The following RSRC1 variants were observed in gnomAD, a reference collection of about 807,000 sequenced individuals.
The protein encoded by RSRC1 is serine/Arginine-related protein 53.
A neutral mutation model predicts 49.1 loss-of-function variants in RSRC1; 39 were observed. That is an observed-to-expected ratio of 0.79 (90% CI 0.61 to 1.04). RSRC1 has a LOEUF of 1.04. RSRC1 is among the 50% of genes least tolerant of loss of function. RSRC1 has a pLI of 0.00. For synonymous variants in RSRC1, 143 were observed against 130.8 expected, an observed-to-expected ratio of 1.09 and a Z score of -0.63; for missense variants, 388 against 402.4, an observed-to-expected ratio of 0.96 and a Z score of 0.31.
intron 6 of RSRC1, among the ~76,000 whole-genome samples, chr3:158,435,853 A>G (rs1736014703): frequency 6.6e-6 from 1 of 151,776 alleles, no homozygotes; most frequent in African/African-American, 2.4e-5. Context: ...TGTGTTTTAT[A>G]TATCCACACA....
chr3:158,333,182 AT>A (rs1479216849), intron 5 of RSRC1, among the ~76,000 whole-genome samples: 1 of 152,014 alleles, frequency 6.6e-6, no homozygotes, highest in Non-Finnish European at 1.5e-5. Flanking sequence ...GGTAGCCAGG[AT>A]GGTCTCGATT....
rs188037153 is a variant in RSRC1 at position 158,206,614 on chromosome 3, C to T, written c.494+3369C>T. ...AACAAAATGCTTTACTCACAGTGGA[C>T]GTAAAAAGATAAGCATCGGCCAGGC... On this transcript the variant is annotated intron_variant, in intron 4 of 9. Transcript: ENST00000611884. 3.9e-5 allele frequency among the ~76,000 whole-genome samples: 6 copies of T among 152,042 alleles called. No homozygotes were observed. In the East Asian group the frequency reaches 5.8e-4, roughly 15 times the overall value.
At chr3:158,129,504 T>C (rs1313820249) in intron 3 of RSRC1, among the ~76,000 whole-genome samples, 1 of 152,082 alleles carries the variant, frequency 6.6e-6, no homozygotes, top group Non-Finnish European at 1.5e-5. Flanking sequence ...TTGGCCAGGC[T>C]GGTCTTGAAC....
At chr3:158,160,830 C>T (rs1427935299) in intron 3 of RSRC1, among the ~76,000 whole-genome samples, 1 of 152,162 alleles carries the variant, frequency 6.6e-6, no homozygotes, top group Admixed American at 6.6e-5. Flanking sequence ...ATGTTATCAT[C>T]CTAGGTTACT....
Position 158,389,175 on chromosome 3 carries a change from C to G in RSRC1, c.583+34267C>G, listed in dbSNP as rs541573542. 3.3e-5 allele frequency among the ~76,000 whole-genome samples: 5 copies of G among 152,270 alleles called. No individual in the cohort carries two copies. In the South Asian group the frequency reaches 8.3e-4, roughly 25 times the overall value. On this transcript the variant is annotated intron_variant, in intron 6 of 9. Transcript: ENST00000611884. Reference sequence around the variant, plus strand: ...ACCCAGACGTTTTATTCTTCCAATACAGATTTCTCTACTGATCAGAAATAA... The same window carrying G: ...ACCCAGACGTTTTATTCTTCCAATAGAGATTTCTCTACTGATCAGAAATAA...
chr3:158,314,884 C>A lies in RSRC1; in HGVS notation c.531+16809C>A, dbSNP rs149466035. Reference sequence around the variant, plus strand: ...CCGTCTCTACTAAAAATACAAAAATCAGCCGAGCGTGGTGGCAAATGCTTG... The same window carrying A: ...CCGTCTCTACTAAAAATACAAAAATAAGCCGAGCGTGGTGGCAAATGCTTG... On this transcript the variant is annotated intron_variant, in intron 5 of 9. Transcript: ENST00000611884. Among the ~76,000 whole-genome samples, 1,171 of 152,078 alleles carry A rather than the reference C, an allele frequency of 7.7e-3. 7 individuals are homozygous for A. The highest frequency in any genetic ancestry group is 0.027 in the African/African-American group (1,111 of 41,500).
intron 5 of RSRC1, among the ~76,000 whole-genome samples, chr3:158,345,967 G>A (rs1339664356): frequency 6.6e-6 from 1 of 151,734 alleles, no homozygotes; most frequent in African/African-American, 2.4e-5. Flanking sequence ...GCCATATATA[G>A]TACCCAAATA....
chr3:158,361,196 C>A (rs746486063), intron 6 of RSRC1, among the ~76,000 whole-genome samples: 1 of 152,086 alleles, frequency 6.6e-6, no homozygotes, highest in Non-Finnish European at 1.5e-5. Flanking sequence ...GGGACATGGC[C>A]CCAGGCAGCC....
intron 3 of RSRC1, among the ~76,000 whole-genome samples, chr3:158,138,494 C>T (rs1716542926): frequency 6.6e-6 from 1 of 152,228 alleles, no homozygotes. Flanking sequence ...GGGCAGGGCC[C>T]AGCCCAGAGT....
At chr3:158,295,467 ATGAAT>A (rs1270926060) in intron 4 of RSRC1, among the ~76,000 whole-genome samples, 6 of 152,182 alleles carry the variant, frequency 3.9e-5, no homozygotes, top group African/African-American at 1.4e-4. Context: ...TTAATGGAAA[ATGAAT>A]TGACATGAGA....
chr3:158,364,965 C>G (rs1356741139), intron 6 of RSRC1, among the ~76,000 whole-genome samples: 1 of 151,564 alleles, frequency 6.6e-6, no homozygotes, highest in Non-Finnish European at 1.5e-5. Flanking sequence ...TTAATAAAGT[C>G]TTTAGCAGCT....
chr3:158,387,699 TATC>T (rs1163961952), intron 6 of RSRC1, among the ~76,000 whole-genome samples: 1 of 152,134 alleles, frequency 6.6e-6, no homozygotes, highest in African/African-American at 2.4e-5. Flanking sequence ...CCAGACAAAA[TATC>T]ATGAAAACCT....
intron 7 of RSRC1, among the ~76,000 whole-genome samples, chr3:158,467,878 A>T (rs1307054340): frequency 1.3e-5 from 2 of 152,248 alleles, no homozygotes; most frequent in African/African-American, 4.8e-5. Context: ...TGTAGTAACA[A>T]TTAAATACCA....
intron 6 of RSRC1, among the ~76,000 whole-genome samples, chr3:158,455,584 C>A (rs920579901): frequency 6.6e-6 from 1 of 152,100 alleles, no homozygotes; most frequent in Non-Finnish European, 1.5e-5. Context: ...GAATCATGCC[C>A]TGATTAGCCC....
At chr3:158,520,843 A>G (rs1419195618) in intron 7 of RSRC1, among the ~76,000 whole-genome samples, 1 of 152,174 alleles carries the variant, frequency 6.6e-6, no homozygotes, top group African/African-American at 2.4e-5. Flanking sequence ...GTGGGTATAT[A>G]TAAAATTTTT....
chr3:158,487,347 A>G (rs1026377634), intron 7 of RSRC1, among the ~76,000 whole-genome samples: 17 of 152,232 alleles, frequency 1.1e-4, no homozygotes, highest in African/African-American at 4.1e-4. Flanking sequence ...TCTGAAAAAT[A>G]GCAAACTATA....
chr3:158,465,132 C>T (rs567560038), intron 7 of RSRC1, among the ~76,000 whole-genome samples: 1 of 152,216 alleles, frequency 6.6e-6, no homozygotes, highest in Non-Finnish European at 1.5e-5. Context: ...TGAGGTACTC[C>T]ATTTAGAGGC....
chr3:158,214,061 G>GA (rs199762942), intron 4 of RSRC1, among the ~76,000 whole-genome samples: 2 of 150,852 alleles, frequency 1.3e-5, no homozygotes, highest in Non-Finnish European at 3.0e-5. Flanking sequence ...TATACAAAAA[G>GA]TACAGTATAA....
chr3:158,260,302 C>T (rs1011351338), intron 4 of RSRC1, among the ~76,000 whole-genome samples: 1 of 152,046 alleles, frequency 6.6e-6, no homozygotes, highest in Non-Finnish European at 1.5e-5. Context: ...CTAGGTCTTC[C>T]CCTTCAAGGC....
Sources: allele counts gnomAD v4.1 joint callset (sites outside exome capture counted in the v4.1 genomes callset), GRCh38; gene constraint gnomAD v4.1.1; transcripts MANE v1.5; gene names NCBI Gene and HGNC (gene_info 2026-07-23, HGNC 2026-07-21).